Variants in FOXP1 observed in about 807,000 individuals in gnomAD.
FOXP1 encodes forkhead box P1, also known as forkhead box protein P1.
A neutral mutation model predicts 98.2 loss-of-function variants in FOXP1; 15 were observed. The ratio of observed to expected loss-of-function variants is 0.15; its 90% confidence interval spans 0.10 to 0.24. FOXP1 has a LOEUF of 0.24. Among genes scored for constraint, FOXP1 ranks in the 10% least tolerant of loss-of-function variants. FOXP1 has a pLI of 1.00. For synonymous variants in FOXP1, 371 were observed against 314.5 expected (o/e 1.18, Z -1.90); for missense variants, 633 against 848.5 (o/e 0.75, Z 3.15).
At chr3:71,248,842 A>C (rs2107017816) in intron 5 of FOXP1, among the ~76,000 whole-genome samples, 1 of 152,234 alleles carries the variant, frequency 6.6e-6, no homozygotes, top group South Asian at 2.1e-4. Flanking sequence ...GGACCAACCT[A>C]TGAGATTAGG....
At chr3:71,394,363 C>G (rs1261162003) in intron 3 of FOXP1, among the ~76,000 whole-genome samples, 1 of 152,126 alleles carries the variant, frequency 6.6e-6, no homozygotes, top group Non-Finnish European at 1.5e-5. Context: ...AGGCAGTGGT[C>G]ATTTGTTCTT....
intron 3 of FOXP1, among the ~76,000 whole-genome samples, chr3:71,384,258 AGGCTGTTAAAC>A (rs1202163957): frequency 6.6e-6 from 1 of 152,136 alleles, no homozygotes; most frequent in African/African-American, 2.4e-5. Flanking sequence ...ACAAACAAAC[AGGCTGTTAAAC>A]ATCCTTCCAA....
At chr3:71,157,680 TC>T (rs1178825967) in intron 6 of FOXP1, among the ~76,000 whole-genome samples, 2 of 152,210 alleles carry the variant, frequency 1.3e-5, no homozygotes, top group African/African-American at 2.4e-5. Context: ...GGTTGTTCCT[TC>T]ACTTCTTTTC....
At chr3:70,979,788 A>G (rs997039846) in intron 14 of FOXP1, among the ~76,000 whole-genome samples, 10 of 152,212 alleles carry the variant, frequency 6.6e-5, no homozygotes, top group African/African-American at 2.4e-4. Flanking sequence ...TAAAAAAAAA[A>G]AAAAAGGGAG....
At chr3:71,111,455 T>A (rs1383233284) in intron 7 of FOXP1, among the ~76,000 whole-genome samples, 2 of 152,316 alleles carry the variant, frequency 1.3e-5, no homozygotes, top group East Asian at 3.9e-4. Flanking sequence ...TGGAGCACAG[T>A]GGTGCGAGCT....
chr3:71,214,148 C>A (rs2064729695), intron 5 of FOXP1, among the ~76,000 whole-genome samples: 1 of 152,214 alleles, frequency 6.6e-6, no homozygotes, highest in South Asian at 2.1e-4. Context: ...CCAGCTCTGG[C>A]TGAGGGGCCC....
intron 6 of FOXP1, among the ~76,000 whole-genome samples, chr3:71,127,318 C>T (rs1465977101): frequency 6.6e-6 from 1 of 152,182 alleles, no homozygotes; most frequent in Non-Finnish European, 1.5e-5. Flanking sequence ...CGCCCATAAG[C>T]AGTACTGTAT....
chr3:71,066,338 T>C lies in FOXP1; in HGVS notation c.283-12565A>G, dbSNP rs1005543157. ...TGACCATCAAAGTATGATCAGATGT[T>C]AAATGGGCACAGCGCAGATCGCTCT... On this transcript the variant is annotated intron_variant, in intron 7 of 20. Transcript: ENST00000649528. 5.9e-5 allele frequency among the ~76,000 whole-genome samples: 9 copies of C among 152,322 alleles called. No individual in the cohort carries two copies. In the East Asian group the frequency reaches 7.7e-4, roughly 13 times the overall value.
chr3:71,036,399 G>A (rs1052234678), intron 11 of FOXP1, among the ~76,000 whole-genome samples: 3 of 152,174 alleles, frequency 2.0e-5, no homozygotes, highest in Admixed American at 6.5e-5. Context: ...TCTGATCAGG[G>A]TTTAAGGAAA....
intron 6 of FOXP1, among the ~76,000 whole-genome samples, chr3:71,156,053 A>T (rs189150391): frequency 6.6e-6 from 1 of 152,344 alleles, no homozygotes; most frequent in East Asian, 1.9e-4. Flanking sequence ...GTCTGACAGC[A>T]ATCTCTCCTG....
At chr3:71,147,161 A>G (rs2060350980) in intron 6 of FOXP1, among the ~76,000 whole-genome samples, 1 of 152,054 alleles carries the variant, frequency 6.6e-6, no homozygotes, top group Non-Finnish European at 1.5e-5. Flanking sequence ...AGTAGGCACA[A>G]TTTTCCTACA....
intron 1 of FOXP1, chr3:71,582,840 C>T (rs1266204359): frequency 1.0e-6 from 1 of 974,310 alleles, no homozygotes; most frequent in African/African-American, 1.8e-5. Flanking sequence ...AGAGCTTCCT[C>T]GCCGCTGACT....
intron 6 of FOXP1, among the ~76,000 whole-genome samples, chr3:71,183,645 A>C (rs2062467938): frequency 6.6e-6 from 1 of 152,258 alleles, no homozygotes; most frequent in Non-Finnish European, 1.5e-5. Context: ...AAACTGAGGC[A>C]CAGAGAAACT....
chr3:71,241,413 A>G (rs1423238781), intron 5 of FOXP1, among the ~76,000 whole-genome samples: 1 of 152,128 alleles, frequency 6.6e-6, no homozygotes, highest in African/African-American at 2.4e-5. Flanking sequence ...TGGCGTCTCA[A>G]ATTACTTTAA....
chr3:71,577,704 GCCC>G (rs901051349), intron 2 of FOXP1, among the ~76,000 whole-genome samples: 1 of 151,732 alleles, frequency 6.6e-6, no homozygotes, highest in African/African-American at 2.4e-5. Context: ...AAATGCATGG[GCCC>G]AAGTGCAAAC....
At chr3:71,010,575 T>C (rs2107692328) in intron 12 of FOXP1, among the ~76,000 whole-genome samples, 1 of 152,252 alleles carries the variant, frequency 6.6e-6, no homozygotes, top group African/African-American at 2.4e-5. Context: ...AAATAATCTA[T>C]GAAGTAACAC....
At chr3:71,124,309 G>C (rs1041425576) in intron 6 of FOXP1, among the ~76,000 whole-genome samples, 3 of 150,122 alleles carry the variant, frequency 2.0e-5, no homozygotes, top group Non-Finnish European at 3.0e-5. Context: ...TTTGCCTTTT[G>C]AGCAGTCATA....
At chr3:71,017,108 A>C (rs2044614340) in intron 11 of FOXP1, among the ~76,000 whole-genome samples, 1 of 152,188 alleles carries the variant, frequency 6.6e-6, no homozygotes, top group South Asian at 2.1e-4. Context: ...AAGGGAACTC[A>C]AGTAGCTATA....
In FOXP1 at chr3:71,245,808, CA is replaced by C. The variant is rs1448108555; in HGVS notation, c.-11-47417del. On this transcript the variant is annotated intron_variant, in intron 5 of 20. Transcript: ENST00000649528. ...CACCTCCTCCAATCACCACCCCCCC[CA>C]CCCACAAATAAACAAAAAGCATAAA... Among the ~76,000 whole-genome samples, 91 of 151,226 alleles carry C rather than the reference CA, an allele frequency of 6.0e-4. 1 individual carries two copies. The highest frequency in any genetic ancestry group is 1.5e-3 in the Admixed American group (23 of 15,182).
Sources: allele counts gnomAD v4.1 joint callset (sites outside exome capture counted in the v4.1 genomes callset), GRCh38; gene constraint gnomAD v4.1.1; transcripts MANE v1.5; gene names NCBI Gene and HGNC (gene_info 2026-07-23, HGNC 2026-07-21).